CSMD1: variants seen among roughly 807,000 people sequenced by gnomAD.
CSMD1 encodes the protein CUB and sushi domain-containing protein 1.
CSMD1 carries 213 observed loss-of-function variants against 417.5 expected under a neutral mutation model. The observed-to-expected ratio is 0.51, with a 90% CI of 0.46 to 0.57. CSMD1 has a LOEUF of 0.57. CSMD1 is among the 20% of genes least tolerant of loss of function. The pLI, the probability that CSMD1 is intolerant of heterozygous loss-of-function variation, is 0.00. For missense variants in CSMD1, 6,923 were observed against 4,529.7 expected, an observed-to-expected ratio of 1.53 and a Z score of -15.17; for synonymous variants, 2,862 against 1,736.8, an observed-to-expected ratio of 1.65 and a Z score of -16.11.
At chr8:4,408,733 G>C (rs527641615) in intron 3 of CSMD1, among the ~76,000 whole-genome samples, 3 of 152,208 alleles carry the variant, frequency 2.0e-5, no homozygotes, top group East Asian at 3.9e-4. Flanking sequence ...ACCTTGTAGA[G>C]GTCAACAGAG....
rs552097648 is a variant in CSMD1 at position 4,310,889 on chromosome 8, G to T, written c.415+109064C>A. Among the ~76,000 whole-genome samples, 13 of 152,234 alleles carry T rather than the reference G, an allele frequency of 8.5e-5. No individual in the cohort carries two copies. The East Asian group carries it at 1.4e-3, about 16-fold the overall frequency. ...AAGAAAACTTACATGTGGCCAACAAGCATATGAAAAAAAGCTCAGTATCAC... is the reference window on the plus strand; with the variant it reads ...AAGAAAACTTACATGTGGCCAACAATCATATGAAAAAAAGCTCAGTATCAC... On this transcript the variant is annotated intron_variant, in intron 3 of 69. Transcript: ENST00000635120.
At chr8:3,313,630 G>C (rs1805527710) in intron 23 of CSMD1, among the ~76,000 whole-genome samples, 1 of 152,206 alleles carries the variant, frequency 6.6e-6, no homozygotes, top group Admixed American at 6.5e-5. Flanking sequence ...ACAGGTGCTG[G>C]AGAGGATGTG....
chr8:4,226,906 T>C (rs191390176), intron 3 of CSMD1, among the ~76,000 whole-genome samples: 243 of 152,344 alleles, frequency 1.6e-3, no homozygotes, highest in Non-Finnish European at 2.1e-3. Flanking sequence ...AAGGATTTTT[T>C]GTTGTTGTTG....
At chr8:4,322,060 T>A (rs193116765) in intron 3 of CSMD1, among the ~76,000 whole-genome samples, 1 of 152,142 alleles carries the variant, frequency 6.6e-6, no homozygotes, top group East Asian at 1.9e-4. Context: ...AATTCACAGA[T>A]ACTTTTCATC....
chr8:4,345,552 T>A (rs546465494), intron 3 of CSMD1, among the ~76,000 whole-genome samples: 8 of 152,032 alleles, frequency 5.3e-5, no homozygotes, highest in African/African-American at 1.4e-4. Flanking sequence ...TATATGCAAA[T>A]CACTCATCGG....
At chr8:4,886,271 C>T (rs962647270) in intron 1 of CSMD1, among the ~76,000 whole-genome samples, 1 of 151,994 alleles carries the variant, frequency 6.6e-6, no homozygotes. Flanking sequence ...ATTTCTGATC[C>T]GTTTTGAGCT....
At chr8:3,112,788 C>T (rs1428721466) in intron 42 of CSMD1, among the ~76,000 whole-genome samples, 2 of 152,118 alleles carry the variant, frequency 1.3e-5, no homozygotes, top group Non-Finnish European at 2.9e-5. Flanking sequence ...AAATAACAGA[C>T]GCTCATCATC....
chr8:3,985,591 G>C (rs1461322547), intron 5 of CSMD1, among the ~76,000 whole-genome samples: 1 of 152,074 alleles, frequency 6.6e-6, no homozygotes, highest in African/African-American at 2.4e-5. Flanking sequence ...TTTATTTGAA[G>C]GGGCGCCACC....
chr8:3,455,750 CA>C (rs1486809773), intron 12 of CSMD1, among the ~76,000 whole-genome samples: 23 of 152,236 alleles, frequency 1.5e-4, no homozygotes, highest in Non-Finnish European at 2.9e-4. Flanking sequence ...TTACGCTACT[CA>C]GGGGTCAGGG....
At chr8:3,386,675 G>C (rs1421286445) in intron 18 of CSMD1, among the ~76,000 whole-genome samples, 1 of 152,060 alleles carries the variant, frequency 6.6e-6, no homozygotes, top group Non-Finnish European at 1.5e-5. Context: ...AAATATTTTT[G>C]CTTTTTCCAT....
At chr8:4,851,836 G>A (rs1253531804) in intron 1 of CSMD1, among the ~76,000 whole-genome samples, 1 of 152,160 alleles carries the variant, frequency 6.6e-6, no homozygotes, top group East Asian at 1.9e-4. Context: ...TAATTACAGA[G>A]TGAAGCCACC....
chr8:4,158,274 G>C (rs931501013), intron 3 of CSMD1, among the ~76,000 whole-genome samples: 2 of 151,954 alleles, frequency 1.3e-5, no homozygotes, highest in Admixed American at 6.6e-5. Context: ...ACATCGGGAA[G>C]ACTAAACAAC....
At chr8:4,416,667 G>C (rs1448616544) in intron 3 of CSMD1, among the ~76,000 whole-genome samples, 1 of 151,900 alleles carries the variant, frequency 6.6e-6, no homozygotes, top group African/African-American at 2.4e-5. Flanking sequence ...AGGCTCTTTG[G>C]GGAACAATTT....
intron 3 of CSMD1, among the ~76,000 whole-genome samples, chr8:4,398,387 T>C (rs976706854): frequency 1.6e-5 from 2 of 127,946 alleles, no homozygotes; most frequent in Non-Finnish European, 3.4e-5. Context: ...TGCTGCAACT[T>C]CTTTTTTTTT....
intron 7 of CSMD1, among the ~76,000 whole-genome samples, chr8:3,670,623 T>C (rs1262242100): frequency 6.7e-6 from 1 of 148,464 alleles, no homozygotes; most frequent in African/African-American, 2.5e-5. Context: ...TGGGGATATA[T>C]ATATGGGATA....
At chr8:3,776,588 G>T (rs543419709) in intron 5 of CSMD1, among the ~76,000 whole-genome samples, 1 of 152,014 alleles carries the variant, frequency 6.6e-6, no homozygotes, top group African/African-American at 2.4e-5. Context: ...CTTCCTACGG[G>T]ACTTTTGTTA....
intron 7 of CSMD1, among the ~76,000 whole-genome samples, chr8:3,619,509 TACA>T (rs1364241141): frequency 2.0e-5 from 3 of 152,110 alleles, no homozygotes; most frequent in Non-Finnish European, 2.9e-5. Context: ...ACAATGAATT[TACA>T]ACAACAATTA....
At chr8:4,110,982 A>T (rs1249733640) in intron 3 of CSMD1, among the ~76,000 whole-genome samples, 1 of 152,164 alleles carries the variant, frequency 6.6e-6, no homozygotes, top group Admixed American at 6.5e-5. Context: ...ATGCAATCTG[A>T]GCTGGAACAA....
intron 21 of CSMD1, 88 bp from the exon 22 acceptor site, chr8:3,348,249 T>A: frequency 2.2e-6 from 2 of 890,900 alleles, no homozygotes; most frequent in Non-Finnish European, 3.5e-6. Context: ...CATGATAGCC[T>A]CCTCTTCTAT....
Sources: gnomAD v4.1 joint callset for allele counts (sites outside exome capture counted in the v4.1 genomes callset) on GRCh38, gnomAD v4.1.1 for gene constraint, MANE v1.5 for transcripts, NCBI Gene and HGNC (gene_info 2026-07-23, HGNC 2026-07-21) for gene names.